The following MECOM variants were observed in gnomAD, a reference collection of about 807,000 sequenced individuals.
MECOM encodes the protein MDS1 and EVI1 complex locus.
A neutral mutation model predicts 116.3 loss-of-function variants in MECOM; 13 were observed. The ratio of observed to expected loss-of-function variants is 0.11; its 90% confidence interval spans 0.07 to 0.18. The LOEUF is 0.18. Among genes scored for constraint, MECOM ranks in the 10% least tolerant of loss-of-function variants. The pLI is 1.00. For missense variants in MECOM, 1,299 were observed against 1,509.0 expected (o/e 0.86, Z 2.31); for synonymous variants, 528 against 535.2 (o/e 0.99, Z 0.19).
intron 1 of MECOM, among the ~76,000 whole-genome samples, chr3:169,416,164 T>A (rs1560244470): frequency 6.6e-6 from 1 of 152,096 alleles, no homozygotes; most frequent in Non-Finnish European, 1.5e-5. Flanking sequence ...ACAGAAATCA[T>A]AACAAACAGT....
intron 1 of MECOM, among the ~76,000 whole-genome samples, chr3:169,584,451 G>C (rs1765529601): frequency 1.3e-5 from 2 of 151,516 alleles, no homozygotes; most frequent in Non-Finnish European, 2.9e-5. Flanking sequence ...TGTAGTCCCA[G>C]CTACTCAGGA....
intron 1 of MECOM, among the ~76,000 whole-genome samples, chr3:169,455,824 G>A (rs1162182497): frequency 2.0e-5 from 3 of 152,120 alleles, no homozygotes; most frequent in Admixed American, 6.6e-5. Flanking sequence ...AACCACCATT[G>A]GAATTGGTTT....
chr3:169,482,181 A>G (rs1012082441), intron 1 of MECOM, among the ~76,000 whole-genome samples: 7 of 152,116 alleles, frequency 4.6e-5, no homozygotes, highest in Non-Finnish European at 8.8e-5. Context: ...AAAGGGGTCT[A>G]AATCTCACAG....
intron 1 of MECOM, among the ~76,000 whole-genome samples, chr3:169,422,145 C>G (rs1321653359): frequency 6.6e-6 from 1 of 152,040 alleles, no homozygotes; most frequent in East Asian, 1.9e-4. Flanking sequence ...CCAATAAATA[C>G]TCTCAATTAT....
At chr3:169,219,350 C>CA (rs548778684) in intron 2 of MECOM, among the ~76,000 whole-genome samples, 2 of 151,898 alleles carry the variant, frequency 1.3e-5, no homozygotes, top group Non-Finnish European at 2.9e-5. Flanking sequence ...ACTAAAAATA[C>CA]AAAAAAATTA....
At chr3:169,408,497 A>G (rs1300488232) in intron 1 of MECOM, among the ~76,000 whole-genome samples, 1 of 152,242 alleles carries the variant, frequency 6.6e-6, no homozygotes, top group Admixed American at 6.5e-5. Context: ...ACTTCTGGTA[A>G]GTAAAACAAC....
At chr3:169,378,600 TTG>T (rs1208607302) in intron 2 of MECOM, among the ~76,000 whole-genome samples, 36 of 134,954 alleles carry the variant, frequency 2.7e-4, no homozygotes, top group Non-Finnish European at 1.8e-4. Flanking sequence ...GTAAGTAAGT[TTG>T]GGGACTTAAT....
intron 2 of MECOM, among the ~76,000 whole-genome samples, chr3:169,155,843 A>T (rs1318304419): frequency 6.6e-6 from 1 of 152,178 alleles, no homozygotes; most frequent in Non-Finnish European, 1.5e-5. Flanking sequence ...TACCTCTGAC[A>T]CTGACAGCGT....
chr3:169,211,783 G>A (rs992202906), intron 2 of MECOM, among the ~76,000 whole-genome samples: 6 of 152,096 alleles, frequency 3.9e-5, no homozygotes, highest in Non-Finnish European at 1.5e-5. Flanking sequence ...TATATCCTCA[G>A]TCTTGACCTC....
At chr3:169,286,528 C>T (rs967739979) in intron 2 of MECOM, among the ~76,000 whole-genome samples, 6 of 152,148 alleles carry the variant, frequency 3.9e-5, no homozygotes, top group African/African-American at 7.2e-5. Flanking sequence ...CTGTCTTCCA[C>T]GGTTGACAAC....
At chr3:169,580,322 A>T (rs1002126667) in intron 1 of MECOM, among the ~76,000 whole-genome samples, 2 of 152,122 alleles carry the variant, frequency 1.3e-5, no homozygotes, top group African/African-American at 4.8e-5. Flanking sequence ...TGGACCCATC[A>T]CCCGAGCAGG....
chr3:169,246,810 C>T (rs1476532875), intron 2 of MECOM, among the ~76,000 whole-genome samples: 8 of 152,074 alleles, frequency 5.3e-5, no homozygotes, highest in Admixed American at 4.6e-4. Context: ...TGAGCCACTG[C>T]GCCTGGCCCA....
At chr3:169,204,489 C>T (rs1749640208) in intron 2 of MECOM, among the ~76,000 whole-genome samples, 1 of 152,116 alleles carries the variant, frequency 6.6e-6, no homozygotes, top group African/African-American at 2.4e-5. Context: ...TAATTGGAAA[C>T]AGAATTATTT....
intron 1 of MECOM, among the ~76,000 whole-genome samples, chr3:169,660,834 A>G (rs991240944): frequency 2.6e-5 from 4 of 152,360 alleles, no homozygotes; most frequent in African/African-American, 9.6e-5. Flanking sequence ...TTTATTACCC[A>G]GATTGTAACT....
chr3:169,659,355 C>G (rs374822289), intron 1 of MECOM, among the ~76,000 whole-genome samples: 64 of 151,208 alleles, frequency 4.2e-4, no homozygotes, highest in African/African-American at 1.4e-3. Context: ...GCCTTTCTGC[C>G]TCTACAGCTA....
chr3:169,121,593 T>C (rs1731048461), intron 6 of MECOM, among the ~76,000 whole-genome samples: 1 of 152,150 alleles, frequency 6.6e-6, no homozygotes, highest in Admixed American at 6.5e-5. Flanking sequence ...GTACAAAAAT[T>C]TGGAGGATTT....
At chr3:169,197,497 G>A (rs1455869506) in intron 2 of MECOM, among the ~76,000 whole-genome samples, 7 of 151,988 alleles carry the variant, frequency 4.6e-5, no homozygotes. Flanking sequence ...TCTGATCTTA[G>A]CCATATTTAT....
At chr3:169,512,584 A>G (rs528136885) in intron 1 of MECOM, among the ~76,000 whole-genome samples, 1 of 152,332 alleles carries the variant, frequency 6.6e-6, no homozygotes, top group East Asian at 1.9e-4. Flanking sequence ...CCCCATAGTG[A>G]CCAACTACAT....
At chr3:169,486,598 C>T (rs934932023) in intron 1 of MECOM, among the ~76,000 whole-genome samples, 3 of 151,548 alleles carry the variant, frequency 2.0e-5, no homozygotes, top group Admixed American at 6.6e-5. Flanking sequence ...TTTTGATTAC[C>T]CAGAAGGGGA....
Sources: allele counts gnomAD v4.1 joint callset (sites outside exome capture counted in the v4.1 genomes callset), GRCh38; gene constraint gnomAD v4.1.1; transcripts MANE v1.5; gene names NCBI Gene and HGNC (gene_info 2026-07-23, HGNC 2026-07-21).